Variants in DNAJA3 observed in about 807,000 individuals in gnomAD.
DNAJA3 encodes dnaJ homolog subfamily A member 3, mitochondrial.
In DNAJA3, 29 loss-of-function variants were observed where a neutral mutation model predicts 54.9. The ratio of observed to expected loss-of-function variants is 0.53; its 90% CI spans 0.39 to 0.72. The LOEUF (loss-of-function observed/expected upper bound fraction) is 0.72. Among genes scored for constraint, DNAJA3 ranks in the 30% least tolerant of loss-of-function variants. The pLI is 0.00. For synonymous variants in DNAJA3, 302 were observed against 251.4 expected (o/e 1.20, Z -1.90); for missense variants, 708 against 639.4 (o/e 1.11, Z -1.16).
chr16:4,450,269 G>A, intron 9 of DNAJA3, 131 bp from the exon 10 acceptor site: 1 of 660,716 alleles, frequency 1.5e-6, no homozygotes, highest in South Asian at 1.9e-5. Flanking sequence ...CGCTGCACTG[G>A]CTCAGGGTGT....
Position 4,448,717 on chromosome 16 carries a change from TTTTC to T in DNAJA3, c.1126-8_1126-5del. On this transcript the variant is annotated splice_polypyrimidine_tract_variant and intron_variant, in intron 8 of 11. Transcript: ENST00000262375. ...ACTGGGGACCAGGGGAAACCACAGA[TTTTC>T]TTTCTTTATAGATCCCCCCTGGGAC... is the stretch of plus-strand genomic sequence containing the variant. The T allele has an allele frequency of 1.3e-6, 2 of 1,599,356 alleles. No individual in the cohort carries two copies. The highest frequency in any genetic ancestry group is 1.7e-6 in the Non-Finnish European group (2 of 1,167,558).
At chr16:4,439,746 C>T (rs1225544856) in intron 3 of DNAJA3, among the ~76,000 whole-genome samples, 2 of 152,056 alleles carry the variant, frequency 1.3e-5, no homozygotes, top group Non-Finnish European at 2.9e-5. Context: ...TAAAACCCAC[C>T]AGGAAGTCAT....
In DNAJA3 at chr16:4,454,918, C is replaced by T. The variant is rs2057018063; in HGVS notation, c.*4C>T. 1 of 1,608,302 alleles carries T rather than the reference C, an allele frequency of 6.2e-7. No homozygotes were observed. The highest frequency in any genetic ancestry group is 1.3e-5 in the African/African-American group (1 of 74,788). ...TAAGAAAATGTTTACCTCATGATAT[C>T]CCAGCCGAGGTAGGAAAACCCTGGA... On this transcript the variant is annotated 3_prime_UTR_variant, in exon 11 of 12. Coordinates refer to ENST00000262375, the MANE Select transcript of DNAJA3 (RefSeq NM_005147.6).
chr16:4,455,487 C>A, intron 11 of DNAJA3, 59 bp from the exon 12 acceptor site: 1 of 1,541,454 alleles, frequency 6.5e-7, no homozygotes, highest in Non-Finnish European at 8.8e-7. Flanking sequence ...ACGCTCCCCA[C>A]AGGGGTGTGT....
chr16:4,454,443 A>G (rs2057012419), intron 10 of DNAJA3, among the ~76,000 whole-genome samples: 1 of 152,072 alleles, frequency 6.6e-6, no homozygotes, highest in Non-Finnish European at 1.5e-5. Flanking sequence ...CATCTGTGAA[A>G]TTTGCCTGTA....
intron 9 of DNAJA3, 57 bp downstream of exon 9, chr16:4,448,905 T>TGG (rs1454832961): frequency 1.5e-6 from 2 of 1,319,504 alleles, no homozygotes; most frequent in Non-Finnish European, 2.2e-6. Context: ...GCACTGCCCT[T>TGG]GGAGCTCTGT....
intron 1 of DNAJA3, among the ~76,000 whole-genome samples, chr16:4,429,452 T>C (rs1221027383): frequency 6.7e-6 from 1 of 149,534 alleles, no homozygotes; most frequent in Non-Finnish European, 1.5e-5. Context: ...TCGATCTCTT[T>C]ACCCATGATC....
At chr16:4,426,167 G>A in intron 1 of DNAJA3, 75 bp downstream of exon 1, 1 of 1,392,198 alleles carries the variant, frequency 7.2e-7, no homozygotes, top group East Asian at 2.9e-5. Flanking sequence ...TGTGACTACG[G>A]CTGCAGGGGT....
rs1443936480 is a variant in DNAJA3, at chr16:4,434,455, T to C, written c.283T>C (p.Tyr95His). Reference sequence around the variant, plus strand: ...TGCCCCTTTGGCCAAAGAAGATTATTATCAGATATTAGGAGTGCCTCGAAA... The same window carrying C: ...TGCCCCTTTGGCCAAAGAAGATTATCATCAGATATTAGGAGTGCCTCGAAA... ...TSAPLAKEDY[Y>H]QILGVPRNAS... is the part of the protein sequence containing the mutation. Residue 95 changes from tyrosine (Y) to histidine (H), a missense_variant, in exon 2 of 12, where the codon TAT (tyrosine) becomes CAT (histidine). Tyr to His is a moderately conservative substitution (Grantham distance 83). Transcript: ENST00000262375. The C allele has an allele frequency of 5.0e-6, 8 of 1,614,114 alleles. No homozygotes were observed. The East Asian group carries it at 1.8e-4, about 36-fold the overall frequency.
rs2057041130 is a variant in DNAJA3, at chr16:4,456,772, T to G, written c.*1240T>G. 1 of 152,582 alleles carries G rather than the reference T, an allele frequency of 6.6e-6. No individual in the cohort carries two copies. Among genetic ancestry groups the G allele is most frequent in the Non-Finnish European group, 1.5e-5 (1 of 68,052 alleles). The allele number at this position is 152,582 out of a possible 1,614,324, so 9.5% of individuals were successfully genotyped here. On this transcript the variant is annotated 3_prime_UTR_variant, in exon 12 of 12. Coordinates refer to ENST00000262375, the MANE Select transcript of DNAJA3 (RefSeq NM_005147.6). ...CTATTGCAAAAAGATATTTCAAACC[T>G]AAATTGTGGTCATTTCTTCTTTGAA...
At chr16:4,431,127 C>T (rs1226820539) in intron 1 of DNAJA3, 1 of 152,212 alleles carries the variant, frequency 6.6e-6, no homozygotes, top group African/African-American at 2.4e-5. Flanking sequence ...GTTACTATCT[C>T]TGTACTAACT....
chr16:4,426,600 A>G (rs2056626542), intron 1 of DNAJA3, among the ~76,000 whole-genome samples: 1 of 152,242 alleles, frequency 6.6e-6, no homozygotes, highest in Non-Finnish European at 1.5e-5. Flanking sequence ...CAGTCATGTC[A>G]TAGTTTACGC....
intron 7 of DNAJA3, among the ~76,000 whole-genome samples, chr16:4,445,243 G>T (rs1452654694): frequency 1.3e-5 from 2 of 152,208 alleles, no homozygotes; most frequent in African/African-American, 4.8e-5. Flanking sequence ...ACAAGAGAAT[G>T]GCTCAGTGAG....
chr16:4,426,212 C>A, intron 1 of DNAJA3, 120 bp downstream of exon 1: 1 of 1,126,640 alleles, frequency 8.9e-7, no homozygotes, highest in Non-Finnish European at 1.2e-6. Context: ...CGCGGATGCA[C>A]AATTGCCGGA....
chr16:4,451,334 G>T (rs2056975065), intron 10 of DNAJA3, among the ~76,000 whole-genome samples: 1 of 152,156 alleles, frequency 6.6e-6, no homozygotes, highest in African/African-American at 2.4e-5. Flanking sequence ...GGTGTTTGGA[G>T]CTGGGGGCCG....
At chr16:4,449,989 C>T (rs1440291834) in intron 9 of DNAJA3, 3 of 156,446 alleles carry the variant, frequency 1.9e-5, no homozygotes, top group Non-Finnish European at 4.2e-5. Flanking sequence ...GGGGTTTCAC[C>T]TTGTTGGCCA....
At chr16:4,453,741 T>C (rs1234083836) in intron 10 of DNAJA3, among the ~76,000 whole-genome samples, 3 of 152,208 alleles carry the variant, frequency 2.0e-5, no homozygotes, top group Admixed American at 6.5e-5. Context: ...CTTTTCTTTT[T>C]TGAGACTGGG....
In DNAJA3 at chr16:4,425,907, G is replaced by T. The variant is rs1257713420; in HGVS notation, c.26G>T (p.Trp9Leu). Residue 9 changes from tryptophan (W) to leucine (L), a missense_variant, in exon 1 of 12, where the codon TGG becomes TTG. Trp to Leu is a moderately conservative substitution (Grantham distance 61). Coordinates refer to ENST00000262375, the MANE Select transcript of DNAJA3 (RefSeq NM_005147.6). MAARCSTRWLLVVVGTPRL... is the reference protein window; with the variant it reads MAARCSTRLLLVVVGTPRL... Reference sequence around the variant, plus strand: ...ATGGCTGCGCGGTGCTCCACACGCTGGTTGCTGGTGGTTGTGGGGACCCCG... The same window carrying T: ...ATGGCTGCGCGGTGCTCCACACGCTTGTTGCTGGTGGTTGTGGGGACCCCG... The T allele has an allele frequency of 1.3e-6, 2 of 1,544,696 alleles. No homozygotes were observed. Among genetic ancestry groups the T allele is most frequent in the African/African-American group, 1.4e-5 (1 of 72,480 alleles).
At chr16:4,453,302 G>A (rs948048894) in intron 10 of DNAJA3, among the ~76,000 whole-genome samples, 2 of 152,278 alleles carry the variant, frequency 1.3e-5, no homozygotes, top group African/African-American at 4.8e-5. Flanking sequence ...GAAAGACCAT[G>A]GTGTGCTTAG....
Sources: allele counts gnomAD v4.1 joint callset (sites outside exome capture counted in the v4.1 genomes callset), GRCh38; gene constraint gnomAD v4.1.1; transcripts MANE v1.5; gene names NCBI Gene and HGNC (gene_info 2026-07-23, HGNC 2026-07-21).